SSTR5: variants seen among roughly 807,000 people sequenced by gnomAD.
SSTR5 encodes somatostatin receptor 5, also known as somatostatin receptor type 5.
A neutral mutation model predicts 0.3 loss-of-function variants in SSTR5; 1 was observed. The ratio of observed to expected loss-of-function variants is 2.98; its 90% CI spans 1.06 to 14.15. The LOEUF (loss-of-function observed/expected upper bound fraction) is 14.15, where lower values mean the gene tolerates loss of function less well. Among genes scored for constraint, SSTR5 ranks in the 30% most tolerant of loss-of-function variants. The probability of loss-of-function intolerance (pLI) is 0.12; values close to 1 mark genes in which losing one functional copy is unlikely to be tolerated. For synonymous variants in SSTR5, 256 were observed against 263.1 expected, an observed-to-expected ratio of 0.97 and a Z score of 0.26; for missense variants, 516 against 543.2, an observed-to-expected ratio of 0.95 and a Z score of 0.50.
At position 1,080,467 on chromosome 16, in the gene SSTR5, C is replaced by T. The variant is rs1188135849; in HGVS notation, c.*504C>T. ...AGGTCCCCGGAGTCCCTGGCCAGGG[C>T]CCCAGCCCCTCGCTTGCCCTGCACT... On this transcript the variant is annotated 3_prime_UTR_variant, in exon 2 of 2. Coordinates refer to ENST00000689027, the MANE Select transcript of SSTR5 (RefSeq NM_001172560.3). Among the ~76,000 whole-genome samples the T allele has an allele frequency of 6.6e-6, 1 of 152,214 alleles. No individual in the cohort carries two copies. Among genetic ancestry groups the T allele is most frequent in the South Asian group, 2.1e-4 (1 of 4,834 alleles).
chr16:1,081,122 C>T lies in SSTR5; in HGVS notation c.*1159C>T, dbSNP rs778578084. 1.2e-4 allele frequency: 55 copies of T among 470,454 alleles called. No individual in the cohort carries two copies. Among genetic ancestry groups the T allele is most frequent in the African/African-American group, 4.4e-4 (22 of 50,168 alleles). 29.1% of individuals were successfully genotyped at this position (470,454 alleles called of 1,614,324 possible). ...CACCCCAAACACCAGCTTTTCCTGG[C>T]GCCCCAGGCCCAGAACGTGGGCCCA... is the stretch of plus-strand genomic sequence containing the variant. On this transcript the variant is annotated 3_prime_UTR_variant, in exon 2 of 2. Transcript: ENST00000689027.
Position 1,079,834 on chromosome 16 carries a change from C to T in SSTR5, c.966C>T (p.Arg322=). The change falls in exon 2 of 2, where the codon CGC becomes CGT. Residue 322 remains arginine, a synonymous_variant. Transcript: ENST00000689027. Reference sequence around the variant, plus strand: ...GCTTCCAGAAGGTTCTGTGCCTCCGCAAGGGCTCTGGTGCCAAGGACGCTG... The same window carrying T: ...GCTTCCAGAAGGTTCTGTGCCTCCGTAAGGGCTCTGGTGCCAAGGACGCTG... ...RQSFQKVLCL[R]KGSGAKDADA... is the part of the protein sequence containing the mutation. 6.2e-7 allele frequency: 1 copy of T among 1,612,094 alleles called. No individual in the cohort carries two copies. Among genetic ancestry groups the T allele is most frequent in the East Asian group, 2.2e-5 (1 of 44,874 alleles).
Position 1,079,755 on chromosome 16 carries a change from A to C in SSTR5, c.887A>C (p.Asn296Thr), listed in dbSNP as rs773826776. 1.9e-6 allele frequency: 3 copies of C among 1,612,266 alleles called. No homozygotes were observed. The South Asian group carries it at 3.3e-5, about 18-fold the overall frequency. ...YFFVVILSYA[N>T]SCANPVLYGF... ...TTCGTGGTCATCCTCTCCTACGCCA[A>C]CAGCTGTGCCAACCCCGTCCTCTAC... Residue 296 changes from asparagine (N) to threonine (T), a missense_variant, in exon 2 of 2, where the codon AAC becomes ACC. Physicochemically the swap from Asn to Thr is moderately conservative, Grantham distance 65 (BLOSUM62 0). Transcript: ENST00000689027.
In SSTR5 at chr16:1,072,793, C is replaced by T. The variant is rs1960113421; in HGVS notation, c.-57C>T. 7.1e-6 allele frequency among the ~76,000 whole-genome samples: 1 copy of T among 141,728 alleles called. No homozygotes were observed. Among genetic ancestry groups the T allele is most frequent in the African/African-American group, 2.6e-5 (1 of 38,834 alleles). The allele number at this position is 141,728 out of a possible 152,430, so 93.0% of individuals were successfully genotyped here. ...AGCCAGTGCCGCGCGGACATCGGGG[C>T]TCCCCCGTTCAGAGGGCGCCGCCGC... On this transcript the variant is annotated 5_prime_UTR_variant, in exon 1 of 2. Transcript: ENST00000689027.
intron 1 of SSTR5, among the ~76,000 whole-genome samples, chr16:1,075,237 G>A (rs1960169104): frequency 6.6e-6 from 1 of 152,224 alleles, no homozygotes; most frequent in African/African-American, 2.4e-5. Context: ...TAACTCCGGA[G>A]GTGGAGCACT....
rs913905770 is a variant in SSTR5, at chr16:1,081,392, C to T, written c.*1429C>T. 2.5e-4 allele frequency among the ~76,000 whole-genome samples: 38 copies of T among 152,348 alleles called. No individual in the cohort carries two copies. The highest frequency in any genetic ancestry group is 2.2e-3 in the Admixed American group (33 of 15,304). On this transcript the variant is annotated 3_prime_UTR_variant, in exon 2 of 2. Transcript: ENST00000689027. ...GCTGAGGCCAGGCCTGGGAAACATC[C>T]AAGCAGTGAGGACACGCGTGTTTGA...
chr16:1,075,174 A>G (rs1960167794), intron 1 of SSTR5, among the ~76,000 whole-genome samples: 1 of 152,184 alleles, frequency 6.6e-6, no homozygotes. Context: ...TTATGTTCCA[A>G]GAGTCAGGTA....
At chr16:1,078,820 G>C in intron 1 of SSTR5, 22 bp from the exon 2 acceptor site, 1 of 1,592,752 alleles carries the variant, frequency 6.3e-7, no homozygotes, top group Non-Finnish European at 8.5e-7. Flanking sequence ...CCACCCTGGC[G>C]TCCTCCCTTC....
chr16:1,075,243 G>A (rs1310068748), intron 1 of SSTR5, among the ~76,000 whole-genome samples: 1 of 152,228 alleles, frequency 6.6e-6, no homozygotes, highest in Non-Finnish European at 1.5e-5. Flanking sequence ...CGGAGGTGGA[G>A]CACTGGGGGC....
rs138755206 is a variant in SSTR5, at chr16:1,079,507, G to A, written c.639G>A (p.Pro213=). 8.1e-5 allele frequency: 131 copies of A among 1,611,810 alleles called. 1 individual carries two copies. The highest frequency in any genetic ancestry group is 4.9e-4 in the Middle Eastern group (3 of 6,080). The change falls in exon 2 of 2, where the codon CCG becomes CCA. Residue 213 remains proline (P), a synonymous_variant. Transcript: ENST00000689027. ...IYTAVLGFFA[P]LLVICLCYLL... is the part of the protein sequence containing the mutation. ...CGGCCGTGCTGGGCTTCTTCGCGCCGCTGCTGGTCATCTGCCTGTGCTACC... is the reference window on the plus strand; with the variant it reads ...CGGCCGTGCTGGGCTTCTTCGCGCCACTGCTGGTCATCTGCCTGTGCTACC...
intron 1 of SSTR5, among the ~76,000 whole-genome samples, chr16:1,076,559 G>A (rs546945765): frequency 2.6e-4 from 39 of 151,690 alleles, no homozygotes; most frequent in African/African-American, 7.7e-4. Flanking sequence ...CCTGTCGCCA[G>A]TTCTGGGGGA....
Position 1,072,750 on chromosome 16 carries a change from C to T in SSTR5, c.-100C>T, listed in dbSNP as rs1445801504. On this transcript the variant is annotated 5_prime_UTR_variant, in exon 1 of 2. Transcript: ENST00000689027. ...CCGCCCCGCCCCGCCCCCTCCCAGC[C>T]GGCGCCCGGGAGCCCGGAGCCAGTG... 2.0e-5 allele frequency among the ~76,000 whole-genome samples: 3 copies of T among 149,292 alleles called. No homozygotes were observed. The highest frequency in any genetic ancestry group is 3.0e-5 in the Non-Finnish European group (2 of 67,218).
Position 1,079,897 on chromosome 16 carries a change from G to A in SSTR5, c.1029G>A (p.Gln343=). 6.2e-7 allele frequency: 1 copy of A among 1,608,808 alleles called. No individual in the cohort carries two copies. The highest frequency in any genetic ancestry group is 8.5e-7 in the Non-Finnish European group (1 of 1,178,478). ...TEPRPDRIRQ[Q]QEATPPAHRA... ...CGCGTCCAGACAGGATCCGGCAGCA[G>A]CAGGAGGCCACGCCACCCGCGCACC... The change falls in exon 2 of 2, where the codon CAG becomes CAA. Residue 343 remains glutamine, a synonymous_variant. Transcript: ENST00000689027.
rs1239776602 is a variant in SSTR5 at position 1,079,443 on chromosome 16, A to T, written c.575A>T (p.Glu192Val). 2 of 1,605,002 alleles carry T rather than the reference A, an allele frequency of 1.2e-6. No homozygotes were observed. Among genetic ancestry groups the T allele is most frequent in the Non-Finnish European group, 1.7e-6 (2 of 1,176,328 alleles). ...EGGTCNASWP[E>V]PVGLWGAVFI... ...GGTACCTGCAACGCCAGCTGGCCGGAGCCCGTGGGGCTGTGGGGCGCCGTC... is the reference window on the plus strand; with the variant it reads ...GGTACCTGCAACGCCAGCTGGCCGGTGCCCGTGGGGCTGTGGGGCGCCGTC... Residue 192 changes from glutamate (E) to valine (V), a missense_variant, in exon 2 of 2, where the codon GAG (glutamate) becomes GTG (valine). By Grantham distance (121) the Glu-to-Val change is moderately radical. Transcript: ENST00000689027.
intron 1 of SSTR5, 127 bp downstream of exon 1, chr16:1,072,949 G>C (rs964016091): frequency 6.6e-6 from 1 of 151,412 alleles, no homozygotes; most frequent in African/African-American, 2.4e-5. Flanking sequence ...CCCCCAGCCC[G>C]CTGCACGCAC....
chr16:1,079,539 T>G lies in SSTR5; in HGVS notation c.671T>G (p.Ile224Ser). The G allele has an allele frequency of 1.2e-6, 2 of 1,612,148 alleles. No homozygotes were observed. Among genetic ancestry groups the G allele is most frequent in the Non-Finnish European group, 1.7e-6 (2 of 1,179,482 alleles). ...LLVICLCYLL[I>S]VVKVRAAGVR... ...GTCATCTGCCTGTGCTACCTGCTCA[T>G]CGTGGTGAAGGTGAGGGCGGCGGGC... Residue 224 changes from isoleucine to serine, a missense_variant, in exon 2 of 2, where the codon ATC becomes AGC. Physicochemically the swap from Ile to Ser is moderately radical, Grantham distance 142. Transcript: ENST00000689027.
rs1326626042 is a variant in SSTR5, at chr16:1,080,663, C to T, written c.*700C>T. Among the ~76,000 whole-genome samples the T allele has an allele frequency of 1.3e-5, 2 of 152,166 alleles. No homozygotes were observed. Among genetic ancestry groups the T allele is most frequent in the Non-Finnish European group, 2.9e-5 (2 of 68,008 alleles). On this transcript the variant is annotated 3_prime_UTR_variant, in exon 2 of 2. Transcript: ENST00000689027. The stretch of plus-strand genomic sequence containing the variant: ...GGAGTGTGGGGGCTTGGGCGCTGGC[C>T]TAGCCAGGGGCGAGGTGGGGAGGCG...
rs1488957782 is a variant in SSTR5 at position 1,079,331 on chromosome 16, G to A, written c.463G>A (p.Val155Met). The A allele has an allele frequency of 3.7e-6, 6 of 1,607,178 alleles. No individual in the cohort carries two copies. The highest frequency in any genetic ancestry group is 1.7e-4 in the Middle Eastern group (1 of 6,050). The part of the protein sequence containing the change: ...LSSARWRRPR[V>M]AKLASAAAWV... ...CTCGGCCCGCTGGCGCCGCCCGCGTGTGGCCAAGCTGGCGAGCGCCGCGGC... is the reference window on the plus strand; with the variant it reads ...CTCGGCCCGCTGGCGCCGCCCGCGTATGGCCAAGCTGGCGAGCGCCGCGGC... The change falls in exon 2 of 2, where the codon GTG (valine) becomes ATG (methionine). Residue 155 changes from valine to methionine, a missense_variant. Coordinates refer to ENST00000689027, the MANE Select transcript of SSTR5 (RefSeq NM_001172560.3).
At position 1,079,271 on chromosome 16, in the gene SSTR5, G is replaced by A. The variant is rs148406047; in HGVS notation, c.403G>A (p.Val135Met). The change falls in exon 2 of 2, where the codon GTG becomes ATG. Residue 135 changes from valine (V) to methionine (M), a missense_variant. Transcript: ENST00000689027. Reference protein sequence around the residue: ...TSVFCLTVMSVDRYLAVVHPL... With the variant: ...TSVFCLTVMSMDRYLAVVHPL... ...TGTCTTCTGCCTGACAGTCATGAGCGTGGACCGCTACCTGGCAGTGGTGCA... is the reference window on the plus strand; with the variant it reads ...TGTCTTCTGCCTGACAGTCATGAGCATGGACCGCTACCTGGCAGTGGTGCA... 6.6e-5 allele frequency: 107 copies of A among 1,612,018 alleles called. No homozygotes were observed. Among genetic ancestry groups the A allele is most frequent in the Admixed American group, 1.0e-4 (6 of 59,996 alleles).
Sources: allele counts gnomAD v4.1 joint callset (sites outside exome capture counted in the v4.1 genomes callset), GRCh38; gene constraint gnomAD v4.1.1; transcripts MANE v1.5; gene names NCBI Gene and HGNC (gene_info 2026-07-23, HGNC 2026-07-21).